APAF1: variants seen among roughly 807,000 people sequenced by gnomAD.
APAF1 encodes apoptotic protease-activating factor 1.
In APAF1, 91 loss-of-function variants were observed where a neutral mutation model predicts 152.4. That is an observed-to-expected ratio of 0.60 (90% CI 0.50 to 0.71). APAF1 has a LOEUF of 0.71. APAF1 is among the 30% of genes least tolerant of loss of function. The probability of loss-of-function intolerance (pLI) is 0.00; values close to 1 mark genes in which losing one functional copy is unlikely to be tolerated. For synonymous variants in APAF1, 484 were observed against 494.1 expected (o/e 0.98, Z 0.27); for missense variants, 1,283 against 1,472.0 (o/e 0.87, Z 2.10).
At chr12:98,661,756 A>T (rs918481333) in intron 5 of APAF1, among the ~76,000 whole-genome samples, 5 of 147,038 alleles carry the variant, frequency 3.4e-5, no homozygotes, top group African/African-American at 1.2e-4. Context: ...GGCCTAGAGT[A>T]TTTTTTTTTT....
chr12:98,650,124 C>T (rs1330606335), intron 4 of APAF1, among the ~76,000 whole-genome samples: 2 of 152,126 alleles, frequency 1.3e-5, no homozygotes, highest in East Asian at 3.8e-4. Context: ...AGTGTGTTCT[C>T]ATTCATCAGT....
rs113035658 is a variant in APAF1 at position 98,649,657 on chromosome 12, G to A, written c.499G>A (p.Ala167Thr). The change falls in exon 4 of 27, where the codon GCT becomes ACT. Residue 167 changes from alanine to threonine, a missense_variant. Coordinates refer to ENST00000551964, the MANE Select transcript of APAF1 (RefSeq NM_181861.2). ...GCGKSVLAAE[A>T]VRDHSLLEGC... ...TGGGAAGTCTGTATTAGCTGCAGAAGCTGTTAGAGATCATTCCCTTTTAGA... is the reference window on the plus strand; with the variant it reads ...TGGGAAGTCTGTATTAGCTGCAGAAACTGTTAGAGATCATTCCCTTTTAGA... The A allele has an allele frequency of 1.5e-4, 237 of 1,614,084 alleles. 2 individuals carry two copies. The African/African-American group carries it at 2.9e-3, about 20-fold the overall frequency.
intron 22 of APAF1, among the ~76,000 whole-genome samples, chr12:98,721,781 C>T (rs1222304463): frequency 1.3e-5 from 2 of 151,974 alleles, no homozygotes; most frequent in East Asian, 1.9e-4. Context: ...GGGAGGACGA[C>T]TGCTAAATGT....
chr12:98,710,314 C>T (rs544851881), intron 20 of APAF1, among the ~76,000 whole-genome samples: 15 of 150,628 alleles, frequency 1.0e-4, no homozygotes, highest in African/African-American at 3.7e-4. Context: ...TTTAGAAGTG[C>T]TTTATTAACT....
chr12:98,727,403 C>T (rs758593996), intron 26 of APAF1, 87 bp downstream of exon 26: 99 of 1,462,452 alleles, frequency 6.8e-5, no homozygotes, highest in Non-Finnish European at 8.7e-5. Context: ...CTCAGTTGGG[C>T]CTTTTACAAC....
intron 4 of APAF1, among the ~76,000 whole-genome samples, chr12:98,650,071 A>ATAGT (rs1468417170): frequency 6.6e-6 from 1 of 152,142 alleles, no homozygotes; most frequent in African/African-American, 2.4e-5. Context: ...TTCATCAGGA[A>ATAGT]TAGTTGTATA....
In APAF1 at chr12:98,671,084, AAGGTATATATAT is replaced by A. The variant is rs747210489; in HGVS notation, c.1607_1608+10del. Reference sequence around the variant, plus strand: ...GGAATACAGACATATACTAGATGAAAAGGTATATATATTAACATGAAAAATTAGTGCTAAAAA... The same window carrying A: ...GGAATACAGACATATACTAGATGAAATAACATGAAAAATTAGTGCTAAAAA... On this transcript the variant is annotated splice_donor_variant and splice_donor_5th_base_variant and coding_sequence_variant and intron_variant, in exon 11 of 27. Transcript: ENST00000551964. LOFTEE classifies it high-confidence loss of function. The A allele has an allele frequency of 1.3e-6, 2 of 1,543,022 alleles. No homozygotes were observed. The highest frequency in any genetic ancestry group is 1.8e-6 in the Non-Finnish European group (2 of 1,116,038).
At chr12:98,659,446 G>A (rs534186476) in intron 5 of APAF1, 103 bp downstream of exon 5, 3 of 1,267,712 alleles carry the variant, frequency 2.4e-6, no homozygotes, top group Non-Finnish European at 3.4e-6. Context: ...CTGTTCTATA[G>A]GGAGGATAAG....
At chr12:98,716,469 G>C (rs1427949778) in intron 22 of APAF1, among the ~76,000 whole-genome samples, 1 of 152,214 alleles carries the variant, frequency 6.6e-6, no homozygotes, top group Non-Finnish European at 1.5e-5. Flanking sequence ...TTTGGGTGTA[G>C]TTGGAAATTA....
chr12:98,716,707 T>G (rs915242450), intron 22 of APAF1, among the ~76,000 whole-genome samples: 3 of 152,218 alleles, frequency 2.0e-5, no homozygotes, highest in Non-Finnish European at 2.9e-5. Context: ...CCTATGATTT[T>G]TAATTCATGG....
intron 12 of APAF1, among the ~76,000 whole-genome samples, chr12:98,676,134 A>C (rs2097686234): frequency 1.3e-5 from 2 of 152,196 alleles, no homozygotes; most frequent in African/African-American, 4.8e-5. Flanking sequence ...AGTGACAGGG[A>C]TGTAACGTAT....
chr12:98,654,835 T>TTTTTTTTTTTTTTA (rs1565856303), intron 4 of APAF1, among the ~76,000 whole-genome samples: 1 of 127,894 alleles, frequency 7.8e-6, no homozygotes, highest in Non-Finnish European at 1.6e-5. Flanking sequence ...TTTTTTTTTT[T>TTTTTTTTTTTTTTA]AATTTATTTT....
At chr12:98,669,911 T>G in intron 10 of APAF1, among the ~76,000 whole-genome samples, 1 of 124,954 alleles carries the variant, frequency 8.0e-6, no homozygotes, top group South Asian at 3.1e-4. Context: ...CCCTCCCCTC[T>G]TCCTGCCCTC....
chr12:98,679,114 TTGCCCATGTC>T (rs2097689620), intron 13 of APAF1, among the ~76,000 whole-genome samples: 5 of 152,198 alleles, frequency 3.3e-5, no homozygotes, highest in Admixed American at 2.6e-4. Context: ...TTTTCCAGGC[TTGCCCATGTC>T]TGCCCATGGA....
At chr12:98,680,591 C>T (rs1417959340) in intron 14 of APAF1, among the ~76,000 whole-genome samples, 189 bp downstream of exon 14, 1 of 152,072 alleles carries the variant, frequency 6.6e-6, no homozygotes, top group Non-Finnish European at 1.5e-5. Context: ...TGCTCTGTGA[C>T]CCAGGCTGGA....
intron 10 of APAF1, among the ~76,000 whole-genome samples, chr12:98,668,218 A>G (rs1158896551): frequency 6.6e-6 from 1 of 152,192 alleles, no homozygotes; most frequent in Non-Finnish European, 1.5e-5. Flanking sequence ...ATGGGATTAT[A>G]GCTTGCATAA....
At chr12:98,649,454 A>G (rs759825309) in intron 3 of APAF1, 33 bp from the exon 4 acceptor site, 2 of 1,601,842 alleles carry the variant, frequency 1.2e-6, no homozygotes, top group African/African-American at 2.7e-5. Flanking sequence ...CCAAAGTTCT[A>G]TTCATTCATG....
intron 12 of APAF1, among the ~76,000 whole-genome samples, chr12:98,674,595 C>T (rs2097684593): frequency 6.6e-6 from 1 of 152,098 alleles, no homozygotes; most frequent in Non-Finnish European, 1.5e-5. Context: ...TCATACTAGT[C>T]CATGTGTTCT....
rs753417958 is a variant in APAF1, at chr12:98,723,736, C to T, written c.3302C>T (p.Ser1101Leu). 5.0e-6 allele frequency: 8 copies of T among 1,613,476 alleles called. No individual in the cohort carries two copies. The highest frequency in any genetic ancestry group is 6.8e-6 in the Non-Finnish European group (8 of 1,179,782). The stretch of plus-strand genomic sequence containing the variant: ...ATTTCTCACGATGCTACCAAGTTTT[C>T]ATCTACCTCTGCTGACAAGACTGCA... ...CDISHDATKF[S>L]STSADKTAKI... The change falls in exon 24 of 27, where the codon TCA becomes TTA. Residue 1101 changes from serine to leucine, a missense_variant. Physicochemically the swap from Ser to Leu is moderately radical, Grantham distance 145 (BLOSUM62 -2). Transcript: ENST00000551964.
Sources: allele counts gnomAD v4.1 joint callset (sites outside exome capture counted in the v4.1 genomes callset), GRCh38; gene constraint gnomAD v4.1.1; transcripts MANE v1.5; gene names NCBI Gene and HGNC (gene_info 2026-07-23, HGNC 2026-07-21).